RAD51B: variants seen among roughly 807,000 people sequenced by gnomAD.
The protein encoded by RAD51B is DNA repair protein RAD51 homolog 2.
In RAD51B, 38 loss-of-function variants were observed where a neutral mutation model predicts 42.2. The observed-to-expected ratio is 0.90, with a 90% CI of 0.70 to 1.18. RAD51B has a LOEUF of 1.18. Among genes scored for constraint, RAD51B ranks in the 50% most tolerant of loss-of-function variants. RAD51B has a pLI of 0.00. For synonymous variants in RAD51B, 154 were observed against 145.2 expected, an observed-to-expected ratio of 1.06 and a Z score of -0.43; for missense variants, 373 against 400.7, an observed-to-expected ratio of 0.93 and a Z score of 0.59.
intron 10 of RAD51B, among the ~76,000 whole-genome samples, chr14:68,523,150 C>G (rs935189288): frequency 6.6e-6 from 1 of 152,218 alleles, no homozygotes; most frequent in Non-Finnish European, 1.5e-5. Context: ...CCCTGAAGTT[C>G]TTCCAGGCTT....
intron 10 of RAD51B, among the ~76,000 whole-genome samples, chr14:68,570,070 G>C (rs944107864): frequency 6.6e-6 from 1 of 152,226 alleles, no homozygotes; most frequent in East Asian, 1.9e-4. Flanking sequence ...GACGGACATT[G>C]TTTTCTTTCC....
chr14:67,904,400 T>C (rs28855496), intron 7 of RAD51B, among the ~76,000 whole-genome samples: 63,975 of 151,934 alleles, frequency 0.42, 14,697 homozygotes, highest in African/African-American at 0.57. Flanking sequence ...TCTGCAACCT[T>C]GCTAGCATCT....
chr14:68,090,657 A>T (rs2077076911), intron 7 of RAD51B, among the ~76,000 whole-genome samples: 1 of 151,438 alleles, frequency 6.6e-6, no homozygotes, highest in Non-Finnish European at 1.5e-5. Flanking sequence ...AAATGTTCAT[A>T]GTCTGGGTCT....
intron 8 of RAD51B, among the ~76,000 whole-genome samples, chr14:68,315,175 A>T (rs1258881437): frequency 6.6e-6 from 1 of 152,236 alleles, no homozygotes; most frequent in Non-Finnish European, 1.5e-5. Flanking sequence ...ATTCTCTGGC[A>T]CAAGCTGGCT....
At chr14:68,586,588 G>A (rs1271576313) in intron 10 of RAD51B, among the ~76,000 whole-genome samples, 1 of 152,168 alleles carries the variant, frequency 6.6e-6, no homozygotes, top group Non-Finnish European at 1.5e-5. Flanking sequence ...AAAGAGTAGG[G>A]CCAGGTGTCA....
At chr14:68,417,469 C>T (rs562433002) in intron 9 of RAD51B, among the ~76,000 whole-genome samples, 1 of 152,338 alleles carries the variant, frequency 6.6e-6, no homozygotes, top group East Asian at 1.9e-4. Context: ...CCTGCCCACA[C>T]TCTTGCAACA....
chr14:68,157,174 T>G (rs902551722), intron 7 of RAD51B, among the ~76,000 whole-genome samples: 3 of 152,134 alleles, frequency 2.0e-5, no homozygotes, highest in Non-Finnish European at 4.4e-5. Context: ...TCCAGCCTAG[T>G]TGACAGAGCA....
chr14:67,935,270 A>C (rs1469364729), intron 7 of RAD51B, among the ~76,000 whole-genome samples: 1 of 152,180 alleles, frequency 6.6e-6, no homozygotes, highest in African/African-American at 2.4e-5. Flanking sequence ...AATTACTTTG[A>C]GTGTAAGATA....
chr14:68,349,796 G>A (rs564673777), intron 8 of RAD51B, among the ~76,000 whole-genome samples: 4 of 152,276 alleles, frequency 2.6e-5, no homozygotes, highest in Middle Eastern at 3.4e-3. Flanking sequence ...AGGTGATGAG[G>A]GAGCCTTGTG....
chr14:68,535,504 G>A (rs1887563135), intron 10 of RAD51B, among the ~76,000 whole-genome samples: 1 of 151,610 alleles, frequency 6.6e-6, no homozygotes, highest in African/African-American at 2.4e-5. Flanking sequence ...AGGGCAGTCA[G>A]GTGCATTGGG....
chr14:68,456,869 A>ATTTTTTT (rs71129889), intron 9 of RAD51B, among the ~76,000 whole-genome samples: 1 of 66,460 alleles, frequency 1.5e-5, no homozygotes, highest in Non-Finnish European at 3.0e-5. Context: ...CAATGGAATG[A>ATTTTTTT]TTTTTTTTTT....
At chr14:68,361,750 A>C (rs1200315048) in intron 8 of RAD51B, among the ~76,000 whole-genome samples, 1 of 152,126 alleles carries the variant, frequency 6.6e-6, no homozygotes, top group South Asian at 2.1e-4. Context: ...ATCTCAGCTC[A>C]CTGCAACCTC....
intron 10 of RAD51B, among the ~76,000 whole-genome samples, chr14:68,518,056 C>T (rs1448591921): frequency 6.6e-6 from 1 of 152,124 alleles, no homozygotes; most frequent in Non-Finnish European, 1.5e-5. Flanking sequence ...AAAGTTCTCA[C>T]GTTGGCAGTA....
intron 7 of RAD51B, among the ~76,000 whole-genome samples, chr14:68,194,022 C>G (rs2079317597): frequency 1.3e-5 from 2 of 152,148 alleles, no homozygotes; most frequent in East Asian, 3.8e-4. Context: ...AGAGGGCTGT[C>G]TAGGACCAAT....
chr14:68,217,676 G>T (rs1224000662), intron 7 of RAD51B, among the ~76,000 whole-genome samples: 7 of 152,188 alleles, frequency 4.6e-5, no homozygotes, highest in Admixed American at 4.6e-4. Flanking sequence ...GATGGGACTT[G>T]TGTGGCTATG....
At chr14:68,347,623 G>A (rs1369174710) in intron 8 of RAD51B, among the ~76,000 whole-genome samples, 1 of 152,348 alleles carries the variant, frequency 6.6e-6, no homozygotes, top group East Asian at 1.9e-4. Flanking sequence ...AGTGAGCCAT[G>A]ATTGTGCCAC....
intron 7 of RAD51B, among the ~76,000 whole-genome samples, chr14:67,925,582 T>C (rs1269550435): frequency 6.6e-6 from 1 of 152,188 alleles, no homozygotes; most frequent in Non-Finnish European, 1.5e-5. Context: ...GGATCTACCA[T>C]TCTGGGGTCT....
chr14:68,441,831 A>G (rs1165554726), intron 9 of RAD51B, among the ~76,000 whole-genome samples: 4 of 152,170 alleles, frequency 2.6e-5, no homozygotes, highest in Non-Finnish European at 4.4e-5. Flanking sequence ...CTCAGTTACT[A>G]TTTTATACAG....
intron 7 of RAD51B, among the ~76,000 whole-genome samples, chr14:68,085,517 T>C (rs953586903): frequency 1.3e-5 from 2 of 152,060 alleles, no homozygotes; most frequent in Non-Finnish European, 2.9e-5. Flanking sequence ...GAAGGGAGTG[T>C]TTTATGGTTC....
Sources: allele counts gnomAD v4.1 joint callset (sites outside exome capture counted in the v4.1 genomes callset), GRCh38; gene constraint gnomAD v4.1.1; transcripts MANE v1.5; gene names NCBI Gene and HGNC (gene_info 2026-07-23, HGNC 2026-07-21).